PRELID2: variants seen among roughly 807,000 people sequenced by gnomAD.
PRELID2 encodes the protein PRELI domain-containing protein 2.
Under a neutral mutation model 28.4 loss-of-function variants are expected in PRELID2, and 25 were observed. That is an observed-to-expected ratio of 0.88 (90% CI 0.64 to 1.23). The LOEUF (loss-of-function observed/expected upper bound fraction) is 1.23, where lower values mean the gene tolerates loss of function less well. Ranked by LOEUF, PRELID2 falls within the 50% of genes most tolerant of loss-of-function variation. The pLI, the probability that PRELID2 is intolerant of heterozygous loss-of-function variation, is 0.00. For missense variants in PRELID2, 201 were observed against 214.4 expected (o/e 0.94, Z 0.39); for synonymous variants, 76 against 71.6 (o/e 1.06, Z -0.31).
At chr5:145,718,874 A>G (rs2149715628) in intron 1 of PRELID2, among the ~76,000 whole-genome samples, 1 of 152,156 alleles carries the variant, frequency 6.6e-6, no homozygotes, top group East Asian at 1.9e-4. Flanking sequence ...GATAAGTGTA[A>G]GATGTGAGGG....
chr5:145,630,129 C>CATGGATGGATGGATGG (rs61612357), intron 1 of PRELID2, among the ~76,000 whole-genome samples: 53 of 150,962 alleles, frequency 3.5e-4, no homozygotes, highest in African/African-American at 1.2e-3. Context: ...TGTTTGGATG[C>CATGGATGGATGGATGG]ATGGATGGAT....
At chr5:145,819,339 C>G in intron 3 of PRELID2, 1 of 1,431,830 alleles carries the variant, frequency 7.0e-7, no homozygotes, top group Non-Finnish European at 9.8e-7. Flanking sequence ...CTGAAAATCC[C>G]TCTATGGGTC....
intron 1 of PRELID2, among the ~76,000 whole-genome samples, chr5:145,521,332 C>T (rs531213706): frequency 4.1e-4 from 63 of 152,254 alleles, no homozygotes; most frequent in African/African-American, 1.4e-3. Flanking sequence ...TTGCCTGTCA[C>T]ATGGTTACTC....
At chr5:145,574,292 T>G (rs772490729) in intron 1 of PRELID2, among the ~76,000 whole-genome samples, 2 of 152,148 alleles carry the variant, frequency 1.3e-5, no homozygotes, top group Non-Finnish European at 2.9e-5. Flanking sequence ...CTCCAGAAAT[T>G]AATGCAACTC....
chr5:145,697,036 TATATATATATA>T (rs1755286779), intron 1 of PRELID2, among the ~76,000 whole-genome samples: 2 of 11,132 alleles, frequency 1.8e-4, no homozygotes, highest in African/African-American at 4.4e-4. Context: ...AGGAAAATTA[TATATATATATA>T]TATATATATA....
At chr5:145,624,861 T>A (rs1240782759) in intron 1 of PRELID2, among the ~76,000 whole-genome samples, 1 of 152,054 alleles carries the variant, frequency 6.6e-6, no homozygotes. Flanking sequence ...AGCCTTTATA[T>A]CCAAAGAGCT....
chr5:145,702,091 ATATATT>A (rs1305120989), intron 1 of PRELID2, among the ~76,000 whole-genome samples: 1 of 152,042 alleles, frequency 6.6e-6, no homozygotes, highest in Non-Finnish European at 1.5e-5. Context: ...ACACATATAT[ATATATT>A]TAATGTTTTT....
At chr5:145,743,265 C>T (rs1229286618) in intron 1 of PRELID2, among the ~76,000 whole-genome samples, 1 of 151,530 alleles carries the variant, frequency 6.6e-6, no homozygotes, top group Non-Finnish European at 1.5e-5. Flanking sequence ...AAAAAATTAC[C>T]CAGGCATGAT....
chr5:145,263,956 T>A, the PRELID2 span, among the ~76,000 whole-genome samples: 1 of 151,810 alleles, frequency 6.6e-6, no homozygotes, highest in Admixed American at 6.6e-5. Context: ...AGTAGCATGA[T>A]CTCTGTTCAC....
At chr5:145,804,438 A>C (rs1265081996) in intron 4 of PRELID2, among the ~76,000 whole-genome samples, 1 of 152,014 alleles carries the variant, frequency 6.6e-6, no homozygotes, top group African/African-American at 2.4e-5. Flanking sequence ...TGAACCCAGG[A>C]GGCGGAGGTT....
At chr5:145,336,980 G>T in the PRELID2 span, among the ~76,000 whole-genome samples, 1 of 106,432 alleles carries the variant, frequency 9.4e-6, no homozygotes, top group Non-Finnish European at 1.8e-5. Context: ...GGGGAGGGGG[G>T]AGGGATAGCT....
chr5:145,380,883 C>T, the PRELID2 span, among the ~76,000 whole-genome samples: 1 of 152,030 alleles, frequency 6.6e-6, no homozygotes, highest in Admixed American at 6.6e-5. Flanking sequence ...AAAATAAATC[C>T]AATCGGTGAC....
downstream of PRELID2, among the ~76,000 whole-genome samples, chr5:145,755,730 T>C (rs895106148): frequency 3.1e-4 from 33 of 108,040 alleles, no homozygotes; most frequent in African/African-American, 1.1e-3. Context: ...ATACACGCCT[T>C]CTAGTGACAC....
At chr5:145,508,400 G>A (rs968517808) in intron 1 of PRELID2, among the ~76,000 whole-genome samples, 4 of 151,944 alleles carry the variant, frequency 2.6e-5, no homozygotes, top group Non-Finnish European at 4.4e-5. Flanking sequence ...AGTTTTAGAA[G>A]GCTGCACAAA....
intron 5 of PRELID2, chr5:145,795,232 A>G (rs1752657601): frequency 6.6e-6 from 1 of 152,144 alleles, no homozygotes; most frequent in African/African-American, 2.4e-5. Context: ...GTTTTTACAA[A>G]CGCATAAATT....
In PRELID2 at chr5:145,756,579, T is replaced by C. The variant is rs1340393206; in HGVS notation, c.*3957A>G. 6.6e-6 allele frequency among the ~76,000 whole-genome samples: 1 copy of C among 152,196 alleles called. No individual in the cohort carries two copies. The highest frequency in any genetic ancestry group is 1.5e-5 in the Non-Finnish European group (1 of 68,042). On this transcript the variant is annotated 3_prime_UTR_variant, in exon 7 of 7. Transcript: ENST00000683046. ...ATGGTTTATTGATCAAGAGAAATTA[T>C]TTCTAGCAATATCTCACTTGCCGCG...
chr5:145,634,637 A>G (rs1431812367), intron 1 of PRELID2, among the ~76,000 whole-genome samples: 1 of 152,126 alleles, frequency 6.6e-6, no homozygotes, highest in Non-Finnish European at 1.5e-5. Flanking sequence ...ACATCTAACA[A>G]GATGCTTCCC....
chr5:145,744,203 G>A (rs1005697901), intron 1 of PRELID2, among the ~76,000 whole-genome samples: 1 of 152,224 alleles, frequency 6.6e-6, no homozygotes, highest in Non-Finnish European at 1.5e-5. Context: ...CAGGGGAGGG[G>A]TGGCCACAGT....
intron 1 of PRELID2, among the ~76,000 whole-genome samples, chr5:145,743,307 A>T (rs1360628427): frequency 1.3e-5 from 2 of 148,570 alleles, no homozygotes; most frequent in Non-Finnish European, 3.0e-5. Flanking sequence ...GCTACTCGGG[A>T]GGCTGAGGCA....
Sources: allele counts gnomAD v4.1 joint callset (sites outside exome capture counted in the v4.1 genomes callset), GRCh38; gene constraint gnomAD v4.1.1; transcripts MANE v1.5; gene names NCBI Gene and HGNC (gene_info 2026-07-23, HGNC 2026-07-21).